The following VIPR2 variants were observed in gnomAD, a reference collection of about 807,000 sequenced individuals.
The protein encoded by VIPR2 is vasoactive intestinal polypeptide receptor 2.
In VIPR2, 48 loss-of-function variants were observed where a neutral mutation model predicts 58.0. The ratio of observed to expected loss-of-function variants is 0.83; its 90% CI spans 0.66 to 1.05. The LOEUF is 1.05. VIPR2 is among the 50% of genes least tolerant of loss of function. The probability of loss-of-function intolerance (pLI) is 0.00; values close to 1 mark genes in which losing one functional copy is unlikely to be tolerated. For synonymous variants in VIPR2, 243 were observed against 235.2 expected, an observed-to-expected ratio of 1.03 and a Z score of -0.30; for missense variants, 534 against 558.0, an observed-to-expected ratio of 0.96 and a Z score of 0.43.
chr7:159,046,400 C>G (rs150128440), intron 5 of VIPR2, among the ~76,000 whole-genome samples: 2 of 152,218 alleles, frequency 1.3e-5, no homozygotes, highest in Admixed American at 1.3e-4. Flanking sequence ...GCATGAAGTA[C>G]TGACGTGGAT....
At chr7:159,144,633 A>G in intron 1 of VIPR2, 88 bp downstream of exon 1, 3 of 1,379,554 alleles carry the variant, frequency 2.2e-6, no homozygotes, top group Non-Finnish European at 2.8e-6. Context: ...CCCGGGAGGA[A>G]GGCGAAGACC....
At chr7:159,064,021 G>C (rs1203186110) in intron 4 of VIPR2, among the ~76,000 whole-genome samples, 1 of 151,940 alleles carries the variant, frequency 6.6e-6, no homozygotes, top group African/African-American at 2.4e-5. Context: ...CTAGGCCAGA[G>C]GCGTCCCCTG....
chr7:159,098,903 G>C lies in VIPR2; in HGVS notation c.357+4854C>G, dbSNP rs371160336. ...CTGATGGGACGAAGCGTGAGCTCCG[G>C]GCAGGAGAAACTCTGTTCAGTTCAG... On this transcript the variant is annotated intron_variant, in intron 4 of 12. Coordinates refer to ENST00000262178, the MANE Select transcript of VIPR2 (RefSeq NM_003382.5). The surrounding 1 kb of genome is among the most constrained non-coding windows in gnomAD (Gnocchi z 5.2). 3.3e-5 allele frequency among the ~76,000 whole-genome samples: 5 copies of C among 152,218 alleles called. No individual in the cohort carries two copies. The highest frequency in any genetic ancestry group is 1.2e-4 in the African/African-American group (5 of 41,460).
chr7:159,120,004 G>T (rs1796396819), intron 2 of VIPR2, among the ~76,000 whole-genome samples: 1 of 151,276 alleles, frequency 6.6e-6, no homozygotes, highest in South Asian at 2.1e-4. Flanking sequence ...TGTCCCCCTT[G>T]GGGAGGGGAC....
At chr7:159,129,966 G>T in intron 2 of VIPR2, among the ~76,000 whole-genome samples, 1 of 116,418 alleles carries the variant, frequency 8.6e-6, no homozygotes, top group Non-Finnish European at 1.7e-5. Flanking sequence ...ACTGGCCTCT[G>T]GCGGGGACAG....
intron 2 of VIPR2, among the ~76,000 whole-genome samples, chr7:159,132,651 C>T (rs1215146504): frequency 1.5e-4 from 23 of 152,244 alleles, no homozygotes; most frequent in Non-Finnish European, 2.2e-4. Context: ...TCACAGTGGC[C>T]ACAGTGGGAA....
chr7:159,087,172 C>T (rs898706921), intron 4 of VIPR2, among the ~76,000 whole-genome samples: 1 of 150,544 alleles, frequency 6.6e-6, no homozygotes, highest in African/African-American at 2.5e-5. Context: ...CAAACAATAC[C>T]CAGGACTCGG....
At chr7:159,077,054 T>C (rs562626244) in intron 4 of VIPR2, among the ~76,000 whole-genome samples, 263 of 152,358 alleles carry the variant, frequency 1.7e-3, no homozygotes, top group Middle Eastern at 6.8e-3. Flanking sequence ...ACCAAAACTT[T>C]GACTGGAATG....
intron 2 of VIPR2, among the ~76,000 whole-genome samples, chr7:159,125,644 C>G (rs1796625456): frequency 6.6e-6 from 1 of 152,218 alleles, no homozygotes; most frequent in Admixed American, 6.5e-5. Flanking sequence ...CTGGAGCCTT[C>G]AAGGGGCTGC....
At chr7:159,140,241 C>T (rs927497131) in intron 2 of VIPR2, among the ~76,000 whole-genome samples, 6 of 152,008 alleles carry the variant, frequency 3.9e-5, no homozygotes, top group African/African-American at 1.5e-4. Flanking sequence ...GTGGCTGTAA[C>T]AGACCCTCAG....
chr7:159,058,728 T>A, intron 4 of VIPR2, 150 bp from the exon 5 acceptor site: 1 of 616,858 alleles, frequency 1.6e-6, no homozygotes, highest in South Asian at 2.3e-5. Context: ...TAATTCCACC[T>A]CCATTTTGAA....
In VIPR2 at chr7:159,083,172, C is replaced by T. The variant is rs1046197086; in HGVS notation, c.357+20585G>A. On this transcript the variant is annotated intron_variant, in intron 4 of 12. Coordinates refer to ENST00000262178, the MANE Select transcript of VIPR2 (RefSeq NM_003382.5). ...CACTTGCCTGTCACACACACTAATT[C>T]CATTGTCCACCCCGGAGCAGCCTTG... Among the ~76,000 whole-genome samples, 52 of 152,182 alleles carry T rather than the reference C, an allele frequency of 3.4e-4. 1 individual carries two copies. The highest frequency in any genetic ancestry group is 2.9e-5 in the Non-Finnish European group (2 of 68,034).
intron 3 of VIPR2, among the ~76,000 whole-genome samples, chr7:159,106,412 G>C (rs1238573389): frequency 6.6e-6 from 1 of 152,124 alleles, no homozygotes. Context: ...GAGAGACCAG[G>C]GAGGGGCAGA....
At chr7:159,134,806 C>T (rs927324382) in intron 2 of VIPR2, among the ~76,000 whole-genome samples, 12 of 151,662 alleles carry the variant, frequency 7.9e-5, no homozygotes, top group East Asian at 5.8e-4. Context: ...TAGAGGCGCC[C>T]GCCACCACGC....
intron 3 of VIPR2, among the ~76,000 whole-genome samples, chr7:159,107,510 C>A (rs1224001887): frequency 6.6e-6 from 1 of 152,222 alleles, no homozygotes; most frequent in Non-Finnish European, 1.5e-5. Context: ...GTCTGAAGCA[C>A]CTAATCCTCA....
chr7:159,045,026 C>G (rs1202338117), intron 5 of VIPR2, among the ~76,000 whole-genome samples: 27 of 152,204 alleles, frequency 1.8e-4, no homozygotes, highest in Admixed American at 1.8e-3. Flanking sequence ...CTGCCTTGGC[C>G]TCCCAAAGTG....
intron 5 of VIPR2, among the ~76,000 whole-genome samples, chr7:159,049,180 C>T (rs1459213072): frequency 6.6e-6 from 1 of 152,206 alleles, no homozygotes; most frequent in African/African-American, 2.4e-5. Flanking sequence ...TGACATCTTG[C>T]TTTTCTAAAA....
rs1228038570 is a variant in VIPR2 at position 159,093,444 on chromosome 7, C to T, written c.357+10313G>A. Among the ~76,000 whole-genome samples, 3 of 152,174 alleles carry T rather than the reference C, an allele frequency of 2.0e-5. No individual in the cohort carries two copies. Among genetic ancestry groups the T allele is most frequent in the Non-Finnish European group, 4.4e-5 (3 of 68,024 alleles). The stretch of plus-strand genomic sequence containing the variant: ...AGGGTGCTGGCGGGTGTGGCTGGAG[C>T]TCACTCTCACTGCCGGAAGTGAGGA... On this transcript the variant is annotated intron_variant, in intron 4 of 12. Coordinates refer to ENST00000262178, the MANE Select transcript of VIPR2 (RefSeq NM_003382.5). This position sits in a 1 kb window ranked among gnomAD's most constrained non-coding sequence, Gnocchi z 6.7.
In VIPR2 at chr7:159,135,264, C is replaced by A. The variant is rs141444783; in HGVS notation, c.151+7182G>T. Among the ~76,000 whole-genome samples the A allele has an allele frequency of 3.8e-3, 568 of 151,424 alleles. 1 individual carries two copies. Among genetic ancestry groups the A allele is most frequent in the African/African-American group, 0.013 (544 of 41,270 alleles). On this transcript the variant is annotated intron_variant, in intron 2 of 12. Coordinates refer to ENST00000262178, the MANE Select transcript of VIPR2 (RefSeq NM_003382.5). ...TGGCCAACATAGTGAAACCCTGTCTCTACCAAAAATCCAAAAAATTAGTTG... is the reference window on the plus strand; with the variant it reads ...TGGCCAACATAGTGAAACCCTGTCTATACCAAAAATCCAAAAAATTAGTTG...
Sources: gnomAD v4.1 joint callset for allele counts (sites outside exome capture counted in the v4.1 genomes callset) on GRCh38, gnomAD v4.1.1 for gene constraint, Gnocchi (gnomAD v3.1) non-coding constraint, MANE v1.5 for transcripts, NCBI Gene and HGNC (gene_info 2026-07-23, HGNC 2026-07-21) for gene names.